Variants in CCDC178 observed in about 807,000 individuals in gnomAD.
The protein encoded by CCDC178 is coiled-coil domain containing 178.
A neutral mutation model predicts 117.4 loss-of-function variants in CCDC178; 126 were observed. That is an observed-to-expected ratio of 1.07 (90% CI 0.93 to 1.24). The LOEUF is 1.24. CCDC178 is among the 50% of genes most tolerant of loss of function. The pLI, the probability that CCDC178 is intolerant of heterozygous loss-of-function variation, is 0.00. For synonymous variants in CCDC178, 283 were observed against 313.4 expected, an observed-to-expected ratio of 0.90 and a Z score of 1.02; for missense variants, 1,030 against 986.9, an observed-to-expected ratio of 1.04 and a Z score of -0.59.
chr18:33,022,187 T>C (rs1223466656), intron 21 of CCDC178, among the ~76,000 whole-genome samples: 1 of 152,194 alleles, frequency 6.6e-6, no homozygotes, highest in Non-Finnish European at 1.5e-5. Flanking sequence ...CTCAAATCTT[T>C]TCCCATTCTT....
intron 20 of CCDC178, among the ~76,000 whole-genome samples, chr18:33,189,597 A>G (rs2058834984): frequency 6.6e-6 from 1 of 152,160 alleles, no homozygotes; most frequent in East Asian, 1.9e-4. Context: ...TGAACTGTGT[A>G]TCCTGTTTTG....
chr18:33,342,622 C>T (rs1472261198), intron 9 of CCDC178, among the ~76,000 whole-genome samples: 1 of 152,156 alleles, frequency 6.6e-6, no homozygotes, highest in African/African-American at 2.4e-5. Flanking sequence ...AACCATACTC[C>T]TGGGAAGGTG....
At chr18:33,419,856 G>A (rs528389880) in intron 2 of CCDC178, among the ~76,000 whole-genome samples, 6 of 151,680 alleles carry the variant, frequency 4.0e-5, no homozygotes, top group Admixed American at 6.6e-5. Context: ...GCAGTTGGAT[G>A]ATTTTTCAAA....
At chr18:33,045,628 A>C (rs867167942) in intron 21 of CCDC178, among the ~76,000 whole-genome samples, 2 of 152,354 alleles carry the variant, frequency 1.3e-5, no homozygotes, top group South Asian at 4.1e-4. Context: ...TCTGATCTTG[A>C]TAAAGCAATT....
At chr18:33,219,301 AAC>A (rs1192033416) in intron 18 of CCDC178, among the ~76,000 whole-genome samples, 7 of 152,110 alleles carry the variant, frequency 4.6e-5, no homozygotes, top group Non-Finnish European at 1.0e-4. Context: ...GATGTGGAGA[AAC>A]AGGAACACTT....
chr18:33,104,749 T>G (rs1417719862), intron 20 of CCDC178, among the ~76,000 whole-genome samples: 1 of 151,760 alleles, frequency 6.6e-6, no homozygotes, highest in Non-Finnish European at 1.5e-5. Flanking sequence ...ATTACATGGC[T>G]GCCTTCTTTT....
chr18:33,183,118 C>A (rs2058749676), intron 20 of CCDC178, among the ~76,000 whole-genome samples: 2 of 151,826 alleles, frequency 1.3e-5, no homozygotes, highest in African/African-American at 4.8e-5. Flanking sequence ...ATTTTATTGG[C>A]TTTACAACAG....
chr18:33,279,536 T>C (rs974637513), intron 12 of CCDC178, among the ~76,000 whole-genome samples: 7 of 152,178 alleles, frequency 4.6e-5, no homozygotes, highest in South Asian at 2.1e-4. Context: ...CCCAAGGTAA[T>C]TGATAGATTC....
At chr18:33,288,330 C>T in intron 12 of CCDC178, among the ~76,000 whole-genome samples, 1 of 110,020 alleles carries the variant, frequency 9.1e-6, no homozygotes, top group Non-Finnish European at 1.9e-5. Context: ...CTCCTCTTCC[C>T]TCCTCTCTCC....
intron 22 of CCDC178, among the ~76,000 whole-genome samples, chr18:32,944,755 C>T (rs1036626170): frequency 6.6e-6 from 1 of 152,120 alleles, no homozygotes; most frequent in Non-Finnish European, 1.5e-5. Context: ...GTGGGAGGGA[C>T]CCAGTGGGAG....
At chr18:33,051,821 G>A (rs1216541977) in intron 21 of CCDC178, among the ~76,000 whole-genome samples, 2 of 152,126 alleles carry the variant, frequency 1.3e-5, no homozygotes, top group African/African-American at 2.4e-5. Context: ...ATATAAAAAT[G>A]CTGGTGAGGC....
At chr18:32,980,872 GAACA>G (rs1273346749) in intron 21 of CCDC178, among the ~76,000 whole-genome samples, 4 of 152,100 alleles carry the variant, frequency 2.6e-5, no homozygotes, top group African/African-American at 9.7e-5. Flanking sequence ...AAACTTTGGA[GAACA>G]AACTACAATT....
At chr18:33,015,361 C>A (rs1195282162) in intron 21 of CCDC178, among the ~76,000 whole-genome samples, 1 of 151,792 alleles carries the variant, frequency 6.6e-6, no homozygotes, top group South Asian at 2.1e-4. Context: ...GTCAGGAGAC[C>A]GAGACCATCC....
chr18:33,194,900 C>CAAAAAAAAAAAAAA (rs530764182), intron 20 of CCDC178, among the ~76,000 whole-genome samples: 1 of 56,122 alleles, frequency 1.8e-5, no homozygotes, highest in Non-Finnish European at 3.6e-5. Flanking sequence ...TCTGTTTCTA[C>CAAAAAAAAAAAAAA]AAAAAAAAAA....
intron 20 of CCDC178, among the ~76,000 whole-genome samples, chr18:33,113,952 G>T (rs895847953): frequency 6.6e-6 from 1 of 151,924 alleles, no homozygotes; most frequent in Non-Finnish European, 1.5e-5. Context: ...TTCAAATTTT[G>T]GTGTTAGTCC....
intron 10 of CCDC178, among the ~76,000 whole-genome samples, chr18:33,324,596 T>C (rs1302276368): frequency 2.0e-5 from 3 of 151,978 alleles, no homozygotes. Flanking sequence ...ATACTACTTT[T>C]TCCTAATAAT....
Position 33,245,362 on chromosome 18 carries a change from A to C in CCDC178, c.1476T>G (p.Asp492Glu), listed in dbSNP as rs775292711. 2 of 1,605,368 alleles carry C rather than the reference A, an allele frequency of 1.2e-6. No individual in the cohort carries two copies. The highest frequency in any genetic ancestry group is 2.3e-5 in the South Asian group (2 of 88,760). Reference sequence around the variant, plus strand: ...CCTTATAGATGTTCTTGAGATGTTTATCATTCTTTAACTTCATTATTGTCA... The same window carrying C: ...CCTTATAGATGTTCTTGAGATGTTTCTCATTCTTTAACTTCATTATTGTCA... Reference protein sequence around the residue: ...KYLTIMKLKNDKHLKNIYKEA... With the variant: ...KYLTIMKLKNEKHLKNIYKEA... The change falls in exon 15 of 23, where the codon GAT becomes GAG. Residue 492 changes from aspartate to glutamate, a missense_variant. Asp to Glu is a conservative substitution (Grantham distance 45). Transcript: ENST00000383096.
intron 20 of CCDC178, among the ~76,000 whole-genome samples, chr18:33,136,917 G>A (rs889583188): frequency 6.6e-6 from 1 of 152,070 alleles, no homozygotes; most frequent in Non-Finnish European, 1.5e-5. Flanking sequence ...CACCTATTAG[G>A]TGCCAAGCTA....
chr18:33,036,648 C>A (rs1051200126), intron 21 of CCDC178, among the ~76,000 whole-genome samples: 16 of 152,020 alleles, frequency 1.1e-4, no homozygotes, highest in South Asian at 2.1e-4. Flanking sequence ...GAGAACTGCA[C>A]ACAACTCGGT....
Sources: gnomAD v4.1 joint callset for allele counts (sites outside exome capture counted in the v4.1 genomes callset) on GRCh38, gnomAD v4.1.1 for gene constraint, MANE v1.5 for transcripts, NCBI Gene and HGNC (gene_info 2026-07-23, HGNC 2026-07-21) for gene names.